The following DLC1 variants were observed in gnomAD, a reference collection of about 807,000 sequenced individuals.
DLC1 encodes DLC1 Rho GTPase activating protein.
In DLC1, 54 loss-of-function variants were observed where a neutral mutation model predicts 140.3. The observed-to-expected ratio is 0.38, with a 90% CI of 0.31 to 0.48. The LOEUF (loss-of-function observed/expected upper bound fraction) is 0.48. Among genes scored for constraint, DLC1 ranks in the 20% least tolerant of loss-of-function variants. DLC1 has a pLI of 0.96. For missense variants in DLC1, 2,536 were observed against 1,907.0 expected (o/e 1.33, Z -6.14); for synonymous variants, 986 against 728.1 (o/e 1.35, Z -5.70).
intron 5 of DLC1, among the ~76,000 whole-genome samples, chr8:13,200,299 T>G (rs1668427463): frequency 6.6e-6 from 1 of 152,014 alleles, no homozygotes; most frequent in African/African-American, 2.4e-5. Context: ...CCTGACATCA[T>G]GATCTGCCCG....
chr8:13,568,219 A>T lies in DLC1; in HGVS notation c.-126+36318T>A, dbSNP rs1298169149. ...GTATGGGGATGTAAGAGAAACTTAA[A>T]AAGTAATAACTGTCTTTGGCGATCA... On this transcript the variant is annotated intron_variant, in intron 1 of 1. Transcript: ENST00000631382. 1.2e-5 allele frequency: 4 copies of T among 328,320 alleles called. No homozygotes were observed. The South Asian group carries it at 2.3e-4, about 19-fold the overall frequency. The allele number at this position is 328,320 out of a possible 1,614,324, so 20.3% of individuals were successfully genotyped here.
intron 4 of DLC1, chr8:13,339,344 C>T (rs758349361): frequency 5.3e-5 from 8 of 152,212 alleles, no homozygotes; most frequent in Non-Finnish European, 1.2e-4. Context: ...CAAGAGGAGG[C>T]TTGTGAAGCA....
chr8:13,218,102 C>T (rs963323502), intron 5 of DLC1, among the ~76,000 whole-genome samples: 37 of 152,200 alleles, frequency 2.4e-4, no homozygotes, highest in African/African-American at 8.9e-4. Context: ...AACTAAAATG[C>T]TATCCACTAG....
intron 4 of DLC1, among the ~76,000 whole-genome samples, chr8:13,390,370 A>G (rs551143972): frequency 9.2e-5 from 14 of 152,252 alleles, no homozygotes; most frequent in African/African-American, 3.4e-4. Flanking sequence ...TCTATCATTG[A>G]TGGGCATTCG....
At chr8:13,276,225 C>A (rs1408378675) in intron 5 of DLC1, 3 of 1,533,672 alleles carry the variant, frequency 2.0e-6, no homozygotes, top group African/African-American at 2.7e-5. Context: ...TTTTAATACC[C>A]CTCACCCCCG....
intron 1 of DLC1, among the ~76,000 whole-genome samples, chr8:13,571,668 C>T (rs1489010606): frequency 9.9e-5 from 15 of 152,208 alleles, no homozygotes; most frequent in Non-Finnish European, 2.1e-4. Context: ...GCTATGAACA[C>T]TGGCATACAA....
intron 1 of DLC1, among the ~76,000 whole-genome samples, chr8:13,554,181 C>G (rs181762788): frequency 6.6e-6 from 1 of 152,240 alleles, no homozygotes; most frequent in East Asian, 1.9e-4. Context: ...ATTCTCCTGC[C>G]TCAGCCTCCC....
chr8:13,299,442 C>G lies in DLC1; in HGVS notation c.1348+5827G>C, dbSNP rs373413553. 3.8e-3 allele frequency among the ~76,000 whole-genome samples: 566 copies of G among 147,202 alleles called. 7 individuals are homozygous for G. The highest frequency in any genetic ancestry group is 0.013 in the African/African-American group (527 of 40,124). On this transcript the variant is annotated intron_variant, in intron 5 of 17. Transcript: ENST00000276297. The stretch of plus-strand genomic sequence containing the variant: ...CAGCCTGGGCAATAAGAGCAAAACT[C>G]CTTCCCAAAAAAAGAAAAAAAAAAA...
intron 4 of DLC1, among the ~76,000 whole-genome samples, chr8:13,316,766 G>C (rs1354187108): frequency 6.6e-6 from 1 of 152,024 alleles, no homozygotes; most frequent in Non-Finnish European, 1.5e-5. Context: ...TGGTCATTTG[G>C]GCCTTGGGTG....
intron 2 of DLC1, among the ~76,000 whole-genome samples, chr8:13,408,136 T>C (rs891126388): frequency 6.6e-6 from 1 of 152,194 alleles, no homozygotes; most frequent in African/African-American, 2.4e-5. Context: ...GAAACTTATG[T>C]AGACTAGCAG....
At chr8:13,459,592 C>A (rs1363025468) in intron 2 of DLC1, among the ~76,000 whole-genome samples, 1 of 152,124 alleles carries the variant, frequency 6.6e-6, no homozygotes, top group East Asian at 1.9e-4. Flanking sequence ...GCTGGGAGTG[C>A]ACAGTGGTGA....
chr8:13,175,532 G>GT (rs972402014), intron 5 of DLC1, among the ~76,000 whole-genome samples: 17 of 151,428 alleles, frequency 1.1e-4, no homozygotes, highest in Admixed American at 3.9e-4. Context: ...TTTCTGTCTT[G>GT]TTTTTTAAAC....
At chr8:13,517,327 T>C (rs1164342346), upstream of DLC1, among the ~76,000 whole-genome samples, 2 of 152,190 alleles carry the variant, frequency 1.3e-5, no homozygotes, top group Non-Finnish European at 2.9e-5. Context: ...TCTATTGGCT[T>C]GGGAAAACAA....
chr8:13,096,367 G>C (rs1818499768), intron 10 of DLC1, among the ~76,000 whole-genome samples: 1 of 152,168 alleles, frequency 6.6e-6, no homozygotes, highest in Admixed American at 6.5e-5. Context: ...AGGAACTCCA[G>C]AGAAGACAGA....
chr8:13,359,379 A>T lies in DLC1; in HGVS notation c.1314+34174T>A, dbSNP rs117508067. On this transcript the variant is annotated intron_variant, in intron 4 of 17. Coordinates refer to ENST00000276297, the MANE Select transcript of DLC1 (RefSeq NM_182643.3). The stretch of plus-strand genomic sequence containing the variant: ...ATGTTACGCTCAGGTAATGCTATAC[A>T]AATCTGGGCAAATGGGTCTTACTTC... Among the ~76,000 whole-genome samples, 765 of 152,298 alleles carry T rather than the reference A, an allele frequency of 5.0e-3. 5 individuals carry two copies. The highest frequency in any genetic ancestry group is 0.011 in the South Asian group (54 of 4,826).
chr8:13,110,232 A>G (rs1271969421), intron 7 of DLC1, among the ~76,000 whole-genome samples: 1 of 152,142 alleles, frequency 6.6e-6, no homozygotes, highest in Non-Finnish European at 1.5e-5. Flanking sequence ...GTTTTATTCA[A>G]TTTCTCATCA....
At chr8:13,592,755 AAC>A (rs1805559178) in intron 1 of DLC1, among the ~76,000 whole-genome samples, 1 of 152,130 alleles carries the variant, frequency 6.6e-6, no homozygotes, top group South Asian at 2.1e-4. Flanking sequence ...TGCCCAAGCC[AAC>A]AGTTTCTTTC....
chr8:13,576,779 C>T (rs574478857), intron 1 of DLC1, among the ~76,000 whole-genome samples: 74 of 152,140 alleles, frequency 4.9e-4, no homozygotes, highest in Middle Eastern at 3.4e-3. Flanking sequence ...GAAAGTTGGA[C>T]GTGGTTAAAG....
chr8:13,153,050 A>G (rs1213888227), intron 5 of DLC1, among the ~76,000 whole-genome samples: 1 of 152,168 alleles, frequency 6.6e-6, no homozygotes, highest in Non-Finnish European at 1.5e-5. Flanking sequence ...CTCTTCCTTA[A>G]AATTTTTAAC....
Sources: gnomAD v4.1 joint callset for allele counts (sites outside exome capture counted in the v4.1 genomes callset) on GRCh38, gnomAD v4.1.1 for gene constraint, MANE v1.5 for transcripts, NCBI Gene and HGNC (gene_info 2026-07-23, HGNC 2026-07-21) for gene names.